The following SEZ6 variants were observed in gnomAD, a reference collection of about 807,000 sequenced individuals.
SEZ6 encodes seizure protein 6 homolog.
SEZ6 carries 53 observed loss-of-function variants against 101.0 expected under a neutral mutation model. That is an observed-to-expected ratio of 0.52 (90% CI 0.42 to 0.66). SEZ6 has a LOEUF of 0.66. Ranked by LOEUF, SEZ6 falls within the 30% of genes least tolerant of loss-of-function variation. SEZ6 has a pLI of 0.00. For missense variants in SEZ6, 1,102 were observed against 1,289.4 expected, an observed-to-expected ratio of 0.85 and a Z score of 2.23; for synonymous variants, 488 against 512.2, an observed-to-expected ratio of 0.95 and a Z score of 0.64.
chr17:28,963,953 G>GA lies in SEZ6; in HGVS notation c.1240+8_1240+9insT, dbSNP rs376250970. ...GCTCAGCACTGAGCCCTTTCCCCTG[G>GA]GCACTCACCGATGCAGACGGGCTCC... On this transcript the variant is annotated intron_variant, in intron 5 of 16. Transcript: ENST00000317338. 8 of 1,606,874 alleles carry GA rather than the reference G, an allele frequency of 5.0e-6. No individual in the cohort carries two copies. In the African/African-American group the frequency reaches 1.1e-4, roughly 22 times the overall value.
At chr17:28,979,008 A>G (rs1484261467) in intron 3 of SEZ6, among the ~76,000 whole-genome samples, 2 of 152,220 alleles carry the variant, frequency 1.3e-5, no homozygotes, top group East Asian at 3.9e-4. Context: ...ACATTGCACT[A>G]TGGTGGTTCT....
chr17:28,959,043 A>G lies in SEZ6; in HGVS notation c.2089T>C (p.Phe697Leu). The G allele has an allele frequency of 6.2e-7, 1 of 1,613,238 alleles. No individual in the cohort carries two copies. Among genetic ancestry groups the G allele is most frequent in the Non-Finnish European group, 8.5e-7 (1 of 1,179,448 alleles). ...AGCTCACCAAAGAAGTGGATGACGA[A>G]GCCCTGCTGGTAGCCCAGCACTGAG... The part of the protein sequence containing the change: ...GTSVLGYQQG[F>L]VIHFFEVPRN... Residue 697 changes from phenylalanine (F) to leucine (L), a missense_variant, in exon 10 of 17, where the codon TTC becomes CTC. Around this residue, in one of 3 missense-constraint regions of SEZ6, gnomAD observed 556 missense variants for 735.1 expected, o/e 0.76. Transcript: ENST00000317338. The surrounding 1 kb of genome is among the most constrained non-coding windows in gnomAD (Gnocchi z 4.4).
In SEZ6 at chr17:28,982,934, A is replaced by G. The variant is rs2041330538; in HGVS notation, c.56-895T>C. Among the ~76,000 whole-genome samples, 2 of 152,194 alleles carry G rather than the reference A, an allele frequency of 1.3e-5. 1 individual carries two copies. The highest frequency in any genetic ancestry group is 4.2e-4 in the South Asian group (2 of 4,816). Reference sequence around the variant, plus strand: ...AGCAATCCTCTCACCTCAGCCTCCTAGGGATTACAGCATGAGCCACCGCAC... The same window carrying G: ...AGCAATCCTCTCACCTCAGCCTCCTGGGGATTACAGCATGAGCCACCGCAC... On this transcript the variant is annotated intron_variant, in intron 1 of 16. Coordinates refer to ENST00000317338, the MANE Select transcript of SEZ6 (RefSeq NM_178860.5).
At chr17:28,960,177 G>T in intron 7 of SEZ6, 1 of 571,754 alleles carries the variant, frequency 1.7e-6, no homozygotes. Context: ...ATTAATCAAT[G>T]CATGCATGCA....
chr17:28,976,799 G>T (rs148953883), intron 3 of SEZ6, among the ~76,000 whole-genome samples: 1 of 152,180 alleles, frequency 6.6e-6, no homozygotes, highest in Non-Finnish European at 1.5e-5. Flanking sequence ...CAGGCCTGCC[G>T]CACCTGCTGC....
intron 1 of SEZ6, among the ~76,000 whole-genome samples, chr17:28,998,204 A>T (rs2041568549): frequency 6.6e-6 from 1 of 152,016 alleles, no homozygotes; most frequent in Non-Finnish European, 1.5e-5. Context: ...CATGAGCAAA[A>T]AGGGGTAAAC....
chr17:28,963,780 TG>T (rs568559760), intron 5 of SEZ6, among the ~76,000 whole-genome samples, 181 bp downstream of exon 5: 23 of 152,380 alleles, frequency 1.5e-4, no homozygotes, highest in Middle Eastern at 3.4e-3. Context: ...TTTGTACCTG[TG>T]GTGCCTTCAT....
At chr17:28,983,014 T>C (rs2041332192) in intron 1 of SEZ6, among the ~76,000 whole-genome samples, 1 of 152,230 alleles carries the variant, frequency 6.6e-6, no homozygotes, top group South Asian at 2.1e-4. Context: ...CTCTCCGTTC[T>C]CAGGAAATCA....
In SEZ6 at chr17:28,969,622, C is replaced by A. The variant is rs1189902416; in HGVS notation, c.1054+135G>T. 7.9e-5 allele frequency: 64 copies of A among 814,462 alleles called. No homozygotes were observed. The East Asian group carries it at 2.1e-3, about 26-fold the overall frequency. The allele number at this position is 814,462 out of a possible 1,614,324, so 50.5% of individuals were successfully genotyped here. On this transcript the variant is annotated intron_variant, in intron 4 of 16. Transcript: ENST00000317338. ...TTACCTCCAATTGTCCAGAGCTTCACTGGACATTTGTGCTATGTGTCACTA... is the reference window on the plus strand; with the variant it reads ...TTACCTCCAATTGTCCAGAGCTTCAATGGACATTTGTGCTATGTGTCACTA...
At chr17:29,000,139 T>C (rs778514458) in intron 1 of SEZ6, among the ~76,000 whole-genome samples, 56 of 152,230 alleles carry the variant, frequency 3.7e-4, no homozygotes, top group Non-Finnish European at 3.2e-4. Context: ...ACATAGTTGG[T>C]ACCATATAAA....
chr17:28,956,083 A>G (rs2040873272), intron 16 of SEZ6, 76 bp downstream of exon 16: 1 of 1,592,936 alleles, frequency 6.3e-7, no homozygotes, highest in Admixed American at 1.7e-5. Flanking sequence ...GCTTGGCAGG[A>G]CCCTCAGGGT....
chr17:28,974,343 G>A (rs2041192578), intron 3 of SEZ6, among the ~76,000 whole-genome samples: 1 of 151,978 alleles, frequency 6.6e-6, no homozygotes, highest in Non-Finnish European at 1.5e-5. Context: ...GTCATGGCAC[G>A]TGCACTTCCA....
intron 1 of SEZ6, among the ~76,000 whole-genome samples, chr17:28,994,032 T>C (rs1322828938): frequency 6.6e-6 from 1 of 152,202 alleles, no homozygotes; most frequent in Non-Finnish European, 1.5e-5. Flanking sequence ...TGACTGTAGA[T>C]GGAGGGGCCC....
chr17:28,998,463 G>A (rs1301476188), intron 1 of SEZ6, among the ~76,000 whole-genome samples: 1 of 151,932 alleles, frequency 6.6e-6, no homozygotes, highest in Non-Finnish European at 1.5e-5. Flanking sequence ...GCATTGTGAG[G>A]AGAGATTCTG....
At chr17:29,000,339 A>G (rs2041599344) in intron 1 of SEZ6, among the ~76,000 whole-genome samples, 1 of 152,242 alleles carries the variant, frequency 6.6e-6, no homozygotes, top group Non-Finnish European at 1.5e-5. Flanking sequence ...AGGGTAAGTG[A>G]CTTAATCTCA....
chr17:28,957,789 A>AG lies in SEZ6; in HGVS notation c.2302+157dup, dbSNP rs11443172. 4.1e-3 allele frequency: 3,854 copies of AG among 944,952 alleles called. 104 individuals are homozygous for AG. The African/African-American group carries it at 0.057, about 14-fold the overall frequency. The allele number at this position is 944,952 out of a possible 1,614,324, so 58.5% of individuals were successfully genotyped here. On this transcript the variant is annotated intron_variant, in intron 11 of 16. Transcript: ENST00000317338. ...GTACGTGGCTGATAACCCCATGAAA[A>AG]GTATCATCCCCATTTCACAGATGAG...
In SEZ6 at chr17:29,005,784, C is replaced by T. The variant is rs2041681129; in HGVS notation, c.55+31G>A. ...ACCCCTGGGGCCCCGCTCCCGCCCC[C>T]GTCCTGCCGCCGGATGCCGGGGTCC... On this transcript the variant is annotated intron_variant, in intron 1 of 16. Transcript: ENST00000317338. The surrounding 1 kb of genome is among the most constrained non-coding windows in gnomAD (Gnocchi z 4.8). The T allele has an allele frequency of 1.4e-6, 2 of 1,478,312 alleles. No individual in the cohort carries two copies. The highest frequency in any genetic ancestry group is 1.8e-6 in the Non-Finnish European group (2 of 1,114,328). 91.6% of individuals were successfully genotyped at this position (1,478,312 alleles called of 1,614,324 possible). A position where few individuals can be genotyped will look rare whatever the true frequency, so the allele number is the denominator to read the frequency against.
At chr17:28,958,258 C>A (rs531115986) in intron 10 of SEZ6, 117 bp from the exon 11 acceptor site, 3 of 1,256,140 alleles carry the variant, frequency 2.4e-6, no homozygotes, top group Non-Finnish European at 3.2e-6. Context: ...CTGTCCTGGG[C>A]GGGCTCAGGG....
rs1426668283 is a variant in SEZ6, at chr17:28,957,343, C to G, written c.2494+5G>C. On this transcript the variant is annotated splice_donor_5th_base_variant and intron_variant, in intron 12 of 16. Coordinates refer to ENST00000317338, the MANE Select transcript of SEZ6 (RefSeq NM_178860.5). ...GGTTTTCCCTCCTACTCAATTGACACTTACGGAGACATTTAGGGGCCCGGT... is the reference window on the plus strand; with the variant it reads ...GGTTTTCCCTCCTACTCAATTGACAGTTACGGAGACATTTAGGGGCCCGGT... The G allele has an allele frequency of 1.9e-6, 3 of 1,612,120 alleles. No individual in the cohort carries two copies. The highest frequency in any genetic ancestry group is 2.7e-5 in the African/African-American group (2 of 74,890).
Sources: gnomAD v4.1 joint callset for allele counts (sites outside exome capture counted in the v4.1 genomes callset) on GRCh38, gnomAD v4.1.1 for gene constraint, gnomAD v4.1.1 regional missense constraint, Gnocchi (gnomAD v3.1) non-coding constraint, MANE v1.5 for transcripts, NCBI Gene and HGNC (gene_info 2026-07-23, HGNC 2026-07-21) for gene names.